The following GTF2IRD2B variants were observed in gnomAD, a reference collection of about 807,000 sequenced individuals.
The protein encoded by GTF2IRD2B is general transcription factor II-I repeat domain-containing protein 2B.
Under a neutral mutation model 55.6 loss-of-function variants are expected in GTF2IRD2B, and 10 were observed. The ratio of observed to expected loss-of-function variants is 0.18; its 90% CI spans 0.11 to 0.31. The LOEUF (loss-of-function observed/expected upper bound fraction) is 0.31, where lower values mean the gene tolerates loss of function less well. Ranked by LOEUF, GTF2IRD2B falls within the 10% of genes least tolerant of loss-of-function variation. The pLI, the probability that GTF2IRD2B is intolerant of heterozygous loss-of-function variation, is 1.00. For missense variants in GTF2IRD2B, 206 were observed against 802.7 expected (o/e 0.26, Z 8.98); for synonymous variants, 107 against 320.5 (o/e 0.33, Z 7.12).
At chr7:75,129,928 T>C (rs1178399742) in intron 8 of GTF2IRD2B, among the ~76,000 whole-genome samples, 1 of 149,370 alleles carries the variant, frequency 6.7e-6, no homozygotes, top group Non-Finnish European at 1.5e-5. Context: ...ATATGCTTCC[T>C]TATTCACAAA....
At chr7:75,104,982 G>A (rs1162289898) in intron 1 of GTF2IRD2B, among the ~76,000 whole-genome samples, 2 of 152,306 alleles carry the variant, frequency 1.3e-5, no homozygotes, top group African/African-American at 4.8e-5. Context: ...AAGATCGCTT[G>A]AGCCCAGGAG....
intron 1 of GTF2IRD2B, among the ~76,000 whole-genome samples, chr7:75,107,186 CCT>C (rs1807833433): frequency 6.6e-6 from 1 of 151,136 alleles, no homozygotes; most frequent in African/African-American, 2.4e-5. Context: ...ACAGCATGCT[CCT>C]CTCACATAAT....
chr7:75,123,164 G>A lies in GTF2IRD2B; in HGVS notation c.387G>A (p.Val129=), dbSNP rs781942214. ...YGKALGTTVM[V]PVPYEKMLRD... ...AAGCCTTAGGGACAACAGTGATGGT[G>A]CCTGTTCCCTATGAGAAGATGCTGC... is the stretch of plus-strand genomic sequence containing the variant. The change falls in exon 5 of 16, where the codon GTG becomes GTA. Residue 129 remains valine, a synonymous_variant. Coordinates refer to ENST00000472837, the MANE Select transcript of GTF2IRD2B (RefSeq NM_001003795.3). 2.4e-5 allele frequency: 37 copies of A among 1,531,000 alleles called. No individual in the cohort carries two copies. In the Admixed American group the frequency reaches 8.0e-4, roughly 33 times the overall value. The allele number at this position is 1,531,000 out of a possible 1,614,324, so 94.8% of individuals were successfully genotyped here. A position where few individuals can be genotyped will look rare whatever the true frequency, so the allele number is the denominator to read the frequency against.
chr7:75,105,528 A>G (rs1807766017), intron 1 of GTF2IRD2B, among the ~76,000 whole-genome samples: 1 of 152,304 alleles, frequency 6.6e-6, no homozygotes, highest in African/African-American at 2.4e-5. Context: ...CAGACAACCA[A>G]ATCTTTCCCT....
In GTF2IRD2B at chr7:75,092,744, C is replaced by A. The variant is rs1406524337; in HGVS notation, c.-27C>A. The stretch of plus-strand genomic sequence containing the variant: ...CAGGCCTCGGACTCCGCGGCCGGCC[C>A]GGCGCGGCCCAGCGCCCTCAGGTGC... On this transcript the variant is annotated 5_prime_UTR_variant, in exon 1 of 16. Transcript: ENST00000472837. The A allele has an allele frequency of 2.0e-5, 3 of 147,306 alleles. No individual in the cohort carries two copies. Among genetic ancestry groups the A allele is most frequent in the Admixed American group, 6.8e-5 (1 of 14,814 alleles). 9.1% of individuals were successfully genotyped at this position (147,306 alleles called of 1,614,324 possible). A position where few individuals can be genotyped will look rare whatever the true frequency, so the allele number is the denominator to read the frequency against.
intron 1 of GTF2IRD2B, among the ~76,000 whole-genome samples, chr7:75,101,227 T>G (rs1298558595): frequency 7.0e-6 from 1 of 141,952 alleles, no homozygotes; most frequent in Non-Finnish European, 1.5e-5. Flanking sequence ...TGATAAAAAC[T>G]GTTTTATTGA....
intron 2 of GTF2IRD2B, 52 bp from the exon 3 acceptor site, chr7:75,112,345 A>G: frequency 2.5e-6 from 1 of 408,092 alleles, no homozygotes. Flanking sequence ...CAGGCCCCAC[A>G]AACTTGGATC....
chr7:75,115,343 G>T (rs1179819227), intron 3 of GTF2IRD2B, among the ~76,000 whole-genome samples: 1 of 150,870 alleles, frequency 6.6e-6, no homozygotes, highest in Non-Finnish European at 1.5e-5. Context: ...TTGAAATCAG[G>T]AAGTATGAGA....
intron 1 of GTF2IRD2B, among the ~76,000 whole-genome samples, chr7:75,105,000 C>A (rs1214669983): frequency 6.6e-6 from 1 of 152,288 alleles, no homozygotes; most frequent in Non-Finnish European, 1.5e-5. Context: ...GAGTTGGAGA[C>A]CAGTCTGGGC....
At chr7:75,112,716 C>A (rs1413795716) in intron 3 of GTF2IRD2B, 181 bp downstream of exon 3, 1 of 1,477,754 alleles carries the variant, frequency 6.8e-7, no homozygotes, top group South Asian at 1.2e-5. Flanking sequence ...GACAAATGGT[C>A]ATTTTATTTT....
At chr7:75,117,727 C>T (rs1228572175) in intron 3 of GTF2IRD2B, among the ~76,000 whole-genome samples, 6 of 152,294 alleles carry the variant, frequency 3.9e-5, no homozygotes, top group Non-Finnish European at 8.8e-5. Flanking sequence ...CCTGTCTCTA[C>T]AAAATACATA....
intron 1 of GTF2IRD2B, among the ~76,000 whole-genome samples, chr7:75,104,151 C>T (rs117535134): frequency 0.1 from 13,070 of 125,476 alleles, 918 homozygotes; most frequent in Non-Finnish European, 0.16. Context: ...TAGATGGAAT[C>T]TTACTCTGTT....
chr7:75,137,530 G>A (rs1157436559), intron 11 of GTF2IRD2B, among the ~76,000 whole-genome samples: 2 of 143,688 alleles, frequency 1.4e-5, no homozygotes, highest in Non-Finnish European at 3.0e-5. Context: ...AGTGGTTCAC[G>A]CCTGTAATCC....
intron 1 of GTF2IRD2B, among the ~76,000 whole-genome samples, chr7:75,105,777 A>G (rs2115703626): frequency 6.6e-6 from 1 of 152,428 alleles, no homozygotes; most frequent in African/African-American, 2.4e-5. Flanking sequence ...CTGGGTTGCA[A>G]ACGACACCAG....
At chr7:75,106,090 C>T (rs1807794518) in intron 1 of GTF2IRD2B, among the ~76,000 whole-genome samples, 3 of 152,304 alleles carry the variant, frequency 2.0e-5, no homozygotes, top group African/African-American at 7.2e-5. Context: ...CATGTGACCT[C>T]CACACTTAGC....
intron 3 of GTF2IRD2B, among the ~76,000 whole-genome samples, chr7:75,114,835 C>G (rs587688536): frequency 6.8e-6 from 1 of 146,880 alleles, no homozygotes; most frequent in African/African-American, 2.5e-5. Flanking sequence ...TTTGCCCTTT[C>G]GGACAGGCTG....
chr7:75,148,511 C>T lies in GTF2IRD2B; in HGVS notation c.2064C>T (p.His688=), dbSNP rs1809225908. 6.2e-7 allele frequency: 1 copy of T among 1,611,052 alleles called. No homozygotes were observed. The highest frequency in any genetic ancestry group is 8.5e-7 in the Non-Finnish European group (1 of 1,179,328). ...GGATATGCTCCCGGGGACTGAACCA[C>T]AGCGAGTTCACAACCTTGCTCTATG... The part of the protein sequence containing the change: ...VNWICSRGLN[H]SEFTTLLYEL... The change falls in exon 16 of 16, where the codon CAC becomes CAT. Residue 688 remains histidine (H), a synonymous_variant. Transcript: ENST00000472837.
chr7:75,117,627 A>T (rs1237041450), intron 3 of GTF2IRD2B, among the ~76,000 whole-genome samples: 1 of 152,302 alleles, frequency 6.6e-6, no homozygotes, highest in African/African-American at 2.4e-5. Flanking sequence ...GCAGTGGCTC[A>T]CATATGTAAT....
intron 1 of GTF2IRD2B, among the ~76,000 whole-genome samples, chr7:75,105,928 G>A (rs1267155448): frequency 1.1e-3 from 174 of 152,326 alleles, no homozygotes; most frequent in African/African-American, 4.0e-3. Context: ...AGTTCCCGGT[G>A]ACCACCGAGG....
Sources: allele counts gnomAD v4.1 joint callset (sites outside exome capture counted in the v4.1 genomes callset), GRCh38; gene constraint gnomAD v4.1.1; transcripts MANE v1.5; gene names NCBI Gene and HGNC (gene_info 2026-07-23, HGNC 2026-07-21).